PRORP: variants seen among roughly 807,000 people sequenced by gnomAD.
PRORP encodes the protein protein only RNase P catalytic subunit.
Under a neutral mutation model 59.4 loss-of-function variants are expected in PRORP, and 51 were observed. The observed-to-expected ratio is 0.86, with a 90% CI of 0.69 to 1.08. The LOEUF (loss-of-function observed/expected upper bound fraction) is 1.08, where lower values mean the gene tolerates loss of function less well. PRORP is among the 50% of genes least tolerant of loss of function. The probability of loss-of-function intolerance (pLI) is 0.00; values close to 1 mark genes in which losing one functional copy is unlikely to be tolerated. For missense variants in PRORP, 646 were observed against 690.3 expected, an observed-to-expected ratio of 0.94 and a Z score of 0.72; for synonymous variants, 231 against 245.6, an observed-to-expected ratio of 0.94 and a Z score of 0.55.
intron 5 of PRORP, among the ~76,000 whole-genome samples, chr14:35,234,975 C>T (rs1329956982): frequency 5.3e-5 from 8 of 152,080 alleles, no homozygotes; most frequent in Non-Finnish European, 1.2e-4. Flanking sequence ...TGAGCCACCA[C>T]ACCTGTTCCC....
intron 4 of PRORP, among the ~76,000 whole-genome samples, chr14:35,177,580 G>A (rs973834732): frequency 8.6e-5 from 13 of 151,680 alleles, no homozygotes; most frequent in African/African-American, 2.7e-4. Flanking sequence ...CTGTGGGATC[G>A]GTGGTGATAT....
intron 4 of PRORP, 71 bp downstream of exon 4, chr14:35,127,682 GC>G: frequency 6.6e-7 from 1 of 1,515,490 alleles, no homozygotes; most frequent in Non-Finnish European, 9.1e-7. Context: ...TTTGTAAAAT[GC>G]CAGATACTAA....
intron 5 of PRORP, among the ~76,000 whole-genome samples, chr14:35,249,274 A>G (rs1473375166): frequency 6.6e-6 from 1 of 152,082 alleles, no homozygotes; most frequent in African/African-American, 2.4e-5. Flanking sequence ...ATCTTTAGTG[A>G]GGTAATCACA....
chr14:35,216,576 G>T (rs1468975868), intron 5 of PRORP, among the ~76,000 whole-genome samples: 1 of 151,910 alleles, frequency 6.6e-6, no homozygotes, highest in East Asian at 1.9e-4. Flanking sequence ...CTACTTTTTG[G>T]CTATCATGAA....
chr14:35,189,703 A>G (rs898373246), intron 5 of PRORP, among the ~76,000 whole-genome samples: 1 of 152,206 alleles, frequency 6.6e-6, no homozygotes, highest in Non-Finnish European at 1.5e-5. Flanking sequence ...TCTGTTGTCT[A>G]TTAACAATGA....
At chr14:35,161,905 A>ATCAT (rs2048069845) in intron 4 of PRORP, among the ~76,000 whole-genome samples, 1 of 152,180 alleles carries the variant, frequency 6.6e-6, no homozygotes, top group African/African-American at 2.4e-5. Flanking sequence ...CCTAACTGCT[A>ATCAT]GGGAGCATGC....
intron 5 of PRORP, among the ~76,000 whole-genome samples, chr14:35,221,579 C>G (rs1566506721): frequency 6.6e-6 from 1 of 152,154 alleles, no homozygotes; most frequent in Non-Finnish European, 1.5e-5. Context: ...CACCCTGGCT[C>G]CAGCCCTACA....
Position 35,275,331 on chromosome 14 carries a change from A to G in PRORP, c.*1765A>G, listed in dbSNP as rs2051280837. The G allele has an allele frequency of 6.6e-6, 1 of 152,202 alleles. No individual in the cohort carries two copies. The highest frequency in any genetic ancestry group is 2.1e-4 in the South Asian group (1 of 4,830). The allele number at this position is 152,202 out of a possible 1,614,324, so 9.4% of individuals were successfully genotyped here. A position where few individuals can be genotyped will look rare whatever the true frequency, so the allele number is the denominator to read the frequency against. On this transcript the variant is annotated 3_prime_UTR_variant, in exon 8 of 8. Coordinates refer to ENST00000534898, the MANE Select transcript of PRORP (RefSeq NM_014672.4). ...TATAATTAGGGTATGTATTATGCAC[A>G]GAGAAACAATTTAGGAAAATCCAAG...
intron 5 of PRORP, among the ~76,000 whole-genome samples, chr14:35,198,600 T>C (rs1174805461): frequency 3.9e-5 from 6 of 152,238 alleles, no homozygotes; most frequent in African/African-American, 1.2e-4. Flanking sequence ...AATTTTATAA[T>C]TATAATTTCA....
chr14:35,207,493 ACC>A (rs2049324310), intron 5 of PRORP, among the ~76,000 whole-genome samples: 2 of 152,322 alleles, frequency 1.3e-5, no homozygotes, highest in East Asian at 3.9e-4. Context: ...AGGTCTTCTA[ACC>A]CTGTCATTCA....
chr14:35,216,334 A>G (rs931919470), intron 5 of PRORP, among the ~76,000 whole-genome samples: 3 of 150,286 alleles, frequency 2.0e-5, no homozygotes, highest in African/African-American at 7.3e-5. Flanking sequence ...TGTTTTGACA[A>G]GGTCTTGTTC....
At chr14:35,148,911 A>ATTTTTTT (rs1186320988) in intron 4 of PRORP, among the ~76,000 whole-genome samples, 20 of 82,830 alleles carry the variant, frequency 2.4e-4, no homozygotes, top group Admixed American at 5.0e-4. Flanking sequence ...GCACTTTTTA[A>ATTTTTTT]TTTTTTTTTT....
intron 5 of PRORP, among the ~76,000 whole-genome samples, chr14:35,224,967 A>C (rs1230428285): frequency 6.6e-6 from 1 of 152,072 alleles, no homozygotes; most frequent in African/African-American, 2.4e-5. Flanking sequence ...GATGTCCTTT[A>C]ATCTAATCTC....
intron 2 of PRORP, among the ~76,000 whole-genome samples, chr14:35,125,959 G>A (rs1254411019): frequency 6.6e-6 from 1 of 152,152 alleles, no homozygotes; most frequent in Non-Finnish European, 1.5e-5. Context: ...GTCAATCAAG[G>A]CTGCAGGGAG....
At position 35,183,503 on chromosome 14, in the gene PRORP, C is replaced by CA. The variant is rs2048670286; in HGVS notation, c.1275+2729dup. 2.0e-5 allele frequency among the ~76,000 whole-genome samples: 3 copies of CA among 152,058 alleles called. 1 individual carries two copies. Among genetic ancestry groups the CA allele is most frequent in the African/African-American group, 7.2e-5 (3 of 41,412 alleles). On this transcript the variant is annotated intron_variant, in intron 5 of 7. Transcript: ENST00000534898. ...TTTAAATCATTTACCTGTTGTTAGA[C>CA]AAATGAGGCTTTCCATTTTTCACTA...
chr14:35,154,662 C>T (rs1195016584), intron 4 of PRORP, among the ~76,000 whole-genome samples: 2 of 149,538 alleles, frequency 1.3e-5, no homozygotes, highest in African/African-American at 5.0e-5. Flanking sequence ...CTGTGGGAAA[C>T]TGCAAGACAA....
intron 5 of PRORP, among the ~76,000 whole-genome samples, chr14:35,193,332 T>C (rs1256489799): frequency 1.3e-5 from 2 of 152,236 alleles, no homozygotes; most frequent in African/African-American, 2.4e-5. Flanking sequence ...TTCATTCTTA[T>C]AGCATGCTTG....
intron 4 of PRORP, among the ~76,000 whole-genome samples, chr14:35,163,478 T>A (rs2048112187): frequency 6.6e-6 from 1 of 152,166 alleles, no homozygotes; most frequent in African/African-American, 2.4e-5. Flanking sequence ...TGAGATGGCA[T>A]CTTATTGTGC....
intron 4 of PRORP, among the ~76,000 whole-genome samples, chr14:35,169,069 A>G (rs879283582): frequency 1.3e-4 from 17 of 135,654 alleles, no homozygotes; most frequent in Non-Finnish European, 1.6e-4. Context: ...ACTTAGGTCA[A>G]TGTTTTATGA....
Sources: allele counts gnomAD v4.1 joint callset (sites outside exome capture counted in the v4.1 genomes callset), GRCh38; gene constraint gnomAD v4.1.1; transcripts MANE v1.5; gene names NCBI Gene and HGNC (gene_info 2026-07-23, HGNC 2026-07-21).